Variants in GRM8 observed in about 807,000 individuals in gnomAD.
GRM8 encodes glutamate metabotropic receptor 8.
Under a neutral mutation model 87.2 loss-of-function variants are expected in GRM8, and 47 were observed. That is an observed-to-expected ratio of 0.54 (90% CI 0.43 to 0.69). The LOEUF is 0.69. GRM8 is among the 30% of genes least tolerant of loss of function. GRM8 has a pLI of 0.00. For synonymous variants in GRM8, 396 were observed against 404.5 expected (o/e 0.98, Z 0.25); for missense variants, 1,019 against 1,139.2 (o/e 0.89, Z 1.52).
At chr7:126,742,626 G>A (rs1012551254) in intron 7 of GRM8, among the ~76,000 whole-genome samples, 10 of 151,684 alleles carry the variant, frequency 6.6e-5, no homozygotes, top group African/African-American at 2.4e-4. Flanking sequence ...CCTGCCTTCT[G>A]CCTGGAATAT....
intron 9 of GRM8, among the ~76,000 whole-genome samples, chr7:126,527,011 G>A (rs1256987180): frequency 6.6e-6 from 1 of 152,128 alleles, no homozygotes; most frequent in East Asian, 1.9e-4. Context: ...CTGTAATGTG[G>A]CACCGTTAAA....
chr7:127,167,311 A>C (rs534436221), intron 2 of GRM8, among the ~76,000 whole-genome samples: 1 of 152,276 alleles, frequency 6.6e-6, no homozygotes, highest in South Asian at 2.1e-4. Flanking sequence ...CCCCACCAAA[A>C]TTTTGTTGTA....
At chr7:126,463,920 G>A (rs1474866928) in intron 9 of GRM8, among the ~76,000 whole-genome samples, 2 of 151,508 alleles carry the variant, frequency 1.3e-5, no homozygotes, top group East Asian at 3.9e-4. Flanking sequence ...TTTAAATATA[G>A]TGTTTATATA....
intron 7 of GRM8, among the ~76,000 whole-genome samples, chr7:126,729,820 C>T (rs1813404097): frequency 6.6e-6 from 1 of 152,088 alleles, no homozygotes. Flanking sequence ...AAATGTCTCT[C>T]AAGTATTGAG....
At chr7:126,719,647 G>A (rs948045293) in intron 7 of GRM8, among the ~76,000 whole-genome samples, 1 of 152,136 alleles carries the variant, frequency 6.6e-6, no homozygotes, top group Non-Finnish European at 1.5e-5. Context: ...ACAGCCCTGT[G>A]ATAGCTGTGA....
intron 8 of GRM8, among the ~76,000 whole-genome samples, chr7:126,586,904 T>G (rs1403413914): frequency 6.6e-6 from 1 of 151,918 alleles, no homozygotes; most frequent in African/African-American, 2.4e-5. Flanking sequence ...ACCTACAGAA[T>G]AGGAGAAAAT....
chr7:126,853,706 C>T (rs1797431224), intron 6 of GRM8, among the ~76,000 whole-genome samples: 1 of 152,124 alleles, frequency 6.6e-6, no homozygotes, highest in African/African-American at 2.4e-5. Context: ...CCTAAGGCAC[C>T]TATGAATGGT....
chr7:126,803,382 A>G lies in GRM8; in HGVS notation c.1157-33317T>C, dbSNP rs372484843. On this transcript the variant is annotated intron_variant, in intron 6 of 10. Coordinates refer to ENST00000339582, the MANE Select transcript of GRM8 (RefSeq NM_000845.3). ...TCTTTCAAAATACAAAACTACTTAC[A>G]CAGCCTCCAGCACTTAGTTGAGAGG... 2.6e-5 allele frequency among the ~76,000 whole-genome samples: 4 copies of G among 152,224 alleles called. 1 individual carries two copies. The South Asian group carries it at 6.2e-4, about 24-fold the overall frequency.
chr7:126,576,116 A>C (rs1795095404), intron 8 of GRM8, among the ~76,000 whole-genome samples: 1 of 152,130 alleles, frequency 6.6e-6, no homozygotes, highest in South Asian at 2.1e-4. Flanking sequence ...CCATGTAGAC[A>C]GGGCCCAGCA....
At chr7:126,450,860 C>T (rs1802544132) in intron 9 of GRM8, among the ~76,000 whole-genome samples, 1 of 151,800 alleles carries the variant, frequency 6.6e-6, no homozygotes, top group Non-Finnish European at 1.5e-5. Context: ...TAAATATCTT[C>T]CTAGTTTCAT....
At chr7:127,022,098 C>T (rs1408703175) in intron 3 of GRM8, among the ~76,000 whole-genome samples, 1 of 152,018 alleles carries the variant, frequency 6.6e-6, no homozygotes, top group East Asian at 1.9e-4. Flanking sequence ...CATAGTAAGC[C>T]ATAGTTAAAA....
intron 6 of GRM8, among the ~76,000 whole-genome samples, chr7:126,876,521 C>A (rs927409800): frequency 6.6e-5 from 10 of 152,122 alleles, no homozygotes; most frequent in Non-Finnish European, 1.3e-4. Context: ...ATTTCTCTGT[C>A]CTCTGTCTAC....
intron 3 of GRM8, among the ~76,000 whole-genome samples, chr7:127,086,403 T>C (rs1823511216): frequency 6.6e-6 from 1 of 152,162 alleles, no homozygotes; most frequent in Admixed American, 6.5e-5. Flanking sequence ...CCTGGCCCAG[T>C]ATTTTTTTAA....
intron 6 of GRM8, among the ~76,000 whole-genome samples, chr7:126,874,026 AT>A (rs1188564474): frequency 2.0e-5 from 3 of 152,042 alleles, no homozygotes; most frequent in Admixed American, 1.3e-4. Context: ...GCCTGCATAC[AT>A]TTTTGTTTCT....
intron 3 of GRM8, among the ~76,000 whole-genome samples, chr7:126,975,821 T>C (rs1810927437): frequency 6.6e-6 from 1 of 152,232 alleles, no homozygotes; most frequent in Non-Finnish European, 1.5e-5. Context: ...AAATCTCTAA[T>C]GAAGTGTTGA....
rs1168769799 is a variant in GRM8 at position 126,769,050 on chromosome 7, C to T, written c.1357+815G>A. The stretch of plus-strand genomic sequence containing the variant: ...GTGTGTTATGATAGACGGTGCAGTG[C>T]TGTGCGTGTCTCAAGGCATGTCCAT... On this transcript the variant is annotated intron_variant, in intron 7 of 10. Coordinates refer to ENST00000339582, the MANE Select transcript of GRM8 (RefSeq NM_000845.3). Among the ~76,000 whole-genome samples the T allele has an allele frequency of 2.0e-5, 3 of 152,022 alleles. No individual in the cohort carries two copies. In the South Asian group the frequency reaches 6.2e-4, roughly 32 times the overall value.
intron 9 of GRM8, chr7:126,511,004 G>A (rs1212233693): frequency 6.6e-6 from 1 of 152,144 alleles, no homozygotes; most frequent in African/African-American, 2.4e-5. Flanking sequence ...GTCAAAGTGT[G>A]TTGGTGAAGC....
At chr7:127,133,948 G>T (rs1193370364) in intron 2 of GRM8, among the ~76,000 whole-genome samples, 1 of 152,086 alleles carries the variant, frequency 6.6e-6, no homozygotes. Flanking sequence ...TTAAGCACAT[G>T]AACTTTGGCA....
At chr7:126,757,683 G>A (rs1158558161) in intron 7 of GRM8, among the ~76,000 whole-genome samples, 3 of 152,130 alleles carry the variant, frequency 2.0e-5, no homozygotes, top group Non-Finnish European at 2.9e-5. Context: ...ACTTTTCTCT[G>A]ATTGAGTTGC....
Sources: gnomAD v4.1 joint callset for allele counts (sites outside exome capture counted in the v4.1 genomes callset) on GRCh38, gnomAD v4.1.1 for gene constraint, MANE v1.5 for transcripts, NCBI Gene and HGNC (gene_info 2026-07-23, HGNC 2026-07-21) for gene names.